CECR2: variants seen among roughly 807,000 people sequenced by gnomAD.
CECR2 encodes the protein chromatin remodeling regulator CECR2.
CECR2 carries 30 observed loss-of-function variants against 154.5 expected under a neutral mutation model. The ratio of observed to expected loss-of-function variants is 0.19; its 90% CI spans 0.15 to 0.26. The LOEUF is 0.26. Among genes scored for constraint, CECR2 ranks in the 10% least tolerant of loss-of-function variants. The pLI, the probability that CECR2 is intolerant of heterozygous loss-of-function variation, is 1.00. For synonymous variants in CECR2, 725 were observed against 683.7 expected (o/e 1.06, Z -0.94); for missense variants, 1,743 against 1,829.3 (o/e 0.95, Z 0.86).
chr22:17,426,518 A>C (rs1165195534), intron 1 of CECR2, among the ~76,000 whole-genome samples: 1 of 152,100 alleles, frequency 6.6e-6, no homozygotes, highest in Non-Finnish European at 1.5e-5. Context: ...CACCACGCCC[A>C]GCTAATTTTT....
intron 7 of CECR2, 79 bp from the exon 8 acceptor site, chr22:17,511,734 G>T: frequency 1.6e-6 from 2 of 1,257,406 alleles, no homozygotes; most frequent in Non-Finnish European, 2.3e-6. Context: ...TTTTACTGGC[G>T]GCAGCAGCAG....
Position 17,555,310 on chromosome 22 carries a change from A to G in CECR2, c.*2470A>G, listed in dbSNP as rs1382063368. 6.6e-6 allele frequency: 1 copy of G among 152,248 alleles called. No homozygotes were observed. Among genetic ancestry groups the G allele is most frequent in the Non-Finnish European group, 1.5e-5 (1 of 68,040 alleles). 9.4% of individuals were successfully genotyped at this position (152,248 alleles called of 1,614,324 possible). On this transcript the variant is annotated 3_prime_UTR_variant, in exon 19 of 19. Coordinates refer to ENST00000262608, the MANE Select transcript of CECR2 (RefSeq NM_001290047.2). ...AAATATTAAGGAAGAGCAATAGGAA[A>G]TAGAACTACTGTATTATAACACTGT...
chr22:17,375,673 G>A (rs1259736905), intron 1 of CECR2, among the ~76,000 whole-genome samples: 3 of 152,026 alleles, frequency 2.0e-5, no homozygotes, highest in Admixed American at 2.0e-4. Context: ...TTAAAATAGT[G>A]CTTTGTCGCT....
chr22:17,423,518 A>AG (rs2054288205), intron 1 of CECR2, among the ~76,000 whole-genome samples: 1 of 151,296 alleles, frequency 6.6e-6, no homozygotes, highest in South Asian at 2.1e-4. Flanking sequence ...AAAAAAAAAA[A>AG]AAGAAGAAGA....
chr22:17,500,558 AATACTGTTTTAAAATCATAT>A, intron 4 of CECR2, 53 bp from the exon 5 acceptor site: 13 of 1,134,432 alleles, frequency 1.1e-5, no homozygotes, highest in Non-Finnish European at 1.5e-5. Context: ...CATGGCCAGA[AATACTGTTTTAAAATCATAT>A]GTAGCAATGC....
intron 1 of CECR2, among the ~76,000 whole-genome samples, chr22:17,392,769 C>T (rs1011812058): frequency 2.6e-5 from 4 of 152,070 alleles, no homozygotes; most frequent in Non-Finnish European, 5.9e-5. Flanking sequence ...AGGCCGGGCA[C>T]GGTGGCTCAC....
chr22:17,498,929 A>G (rs2055683783), intron 3 of CECR2, among the ~76,000 whole-genome samples: 1 of 151,996 alleles, frequency 6.6e-6, no homozygotes. Context: ...TTCCCATTAT[A>G]TCCGTGTTTC....
chr22:17,451,093 G>C (rs1319028460), intron 1 of CECR2, among the ~76,000 whole-genome samples: 1 of 152,336 alleles, frequency 6.6e-6, no homozygotes, highest in African/African-American at 2.4e-5. Flanking sequence ...ATCCACCTCT[G>C]TGATTTGCCC....
chr22:17,548,193 C>T lies in CECR2; in HGVS notation c.2906C>T (p.Thr969Ile). The stretch of plus-strand genomic sequence containing the variant: ...GAAGAGAAACCACCAGGTGTTGGTA[C>T]TTCAGAGGGGGTCTACCTCACACAA... ...GLEEKPPGVG[T>I]SEGVYLTQLP... Residue 969 changes from threonine to isoleucine, a missense_variant, in exon 17 of 19, where the codon ACT becomes ATT. Transcript: ENST00000262608. 1.3e-6 allele frequency: 2 copies of T among 1,582,828 alleles called. No homozygotes were observed. Among genetic ancestry groups the T allele is most frequent in the South Asian group, 1.2e-5 (1 of 86,934 alleles).
At chr22:17,435,655 A>G (rs1330897223) in intron 1 of CECR2, among the ~76,000 whole-genome samples, 1 of 149,176 alleles carries the variant, frequency 6.7e-6, no homozygotes, top group East Asian at 2.0e-4. Flanking sequence ...GGGAGTCTAG[A>G]ATAGACTCCC....
intron 12 of CECR2, 56 bp downstream of exon 12, chr22:17,538,787 T>G: frequency 1.4e-6 from 2 of 1,473,018 alleles, no homozygotes; most frequent in Non-Finnish European, 1.9e-6. Context: ...TTCTTGGGTT[T>G]TGTTGTTTGT....
intron 1 of CECR2, among the ~76,000 whole-genome samples, chr22:17,461,792 C>CTT (rs145094879): frequency 4.3e-4 from 59 of 137,200 alleles, no homozygotes; most frequent in African/African-American, 6.6e-4. Flanking sequence ...GTACCCGTTA[C>CTT]TTTTTTTTTT....
chr22:17,364,364 A>C (rs1036334968), intron 1 of CECR2, among the ~76,000 whole-genome samples: 1 of 150,300 alleles, frequency 6.7e-6, no homozygotes, highest in Admixed American at 6.6e-5. Context: ...AAAAAAAAAG[A>C]ATTTGTGCCA....
chr22:17,499,689 A>G (rs1349147504), intron 4 of CECR2, 140 bp downstream of exon 4: 11 of 837,506 alleles, frequency 1.3e-5, no homozygotes, highest in Admixed American at 6.7e-5. Context: ...TGGTAAGGAG[A>G]TACTTCATGC....
chr22:17,475,886 T>A (rs1454077409), intron 1 of CECR2, among the ~76,000 whole-genome samples: 1 of 151,998 alleles, frequency 6.6e-6, no homozygotes, highest in Non-Finnish European at 1.5e-5. Flanking sequence ...TGCTGTTGCT[T>A]GGGCTAACAT....
upstream of CECR2, among the ~76,000 whole-genome samples, chr22:17,369,014 A>C (rs1220938788): frequency 1.3e-5 from 2 of 152,098 alleles, no homozygotes; most frequent in Admixed American, 6.5e-5. Flanking sequence ...TCATATTTCT[A>C]GGGTGGACAG....
chr22:17,426,791 T>C (rs1413813954), intron 1 of CECR2, among the ~76,000 whole-genome samples: 2 of 152,252 alleles, frequency 1.3e-5, no homozygotes, highest in Non-Finnish European at 2.9e-5. Context: ...ATTTAACATG[T>C]CTTCGGTTCT....
intron 17 of CECR2, among the ~76,000 whole-genome samples, chr22:17,549,978 A>G (rs2056683909): frequency 3.3e-5 from 5 of 150,214 alleles, no homozygotes; most frequent in African/African-American, 9.7e-5. Flanking sequence ...ATAACAGTTC[A>G]TGGTCTAGGA....
intron 9 of CECR2, among the ~76,000 whole-genome samples, chr22:17,530,934 T>C (rs1457701794): frequency 6.6e-6 from 1 of 152,144 alleles, no homozygotes; most frequent in Admixed American, 6.6e-5. Flanking sequence ...GGAGTCAGTG[T>C]TTAACGTTAC....
Sources: gnomAD v4.1 joint callset for allele counts (sites outside exome capture counted in the v4.1 genomes callset) on GRCh38, gnomAD v4.1.1 for gene constraint, MANE v1.5 for transcripts, NCBI Gene and HGNC (gene_info 2026-07-23, HGNC 2026-07-21) for gene names.